PSMB7: variants seen among roughly 807,000 people sequenced by gnomAD.
PSMB7 encodes proteasome subunit beta type-7.
A neutral mutation model predicts 28.1 loss-of-function variants in PSMB7; 5 were observed. The ratio of observed to expected loss-of-function variants is 0.18; its 90% CI spans 0.09 to 0.37. The LOEUF is 0.37. Ranked by LOEUF, PSMB7 falls within the 10% of genes least tolerant of loss-of-function variation. PSMB7 has a pLI of 1.00. For missense variants in PSMB7, 275 were observed against 346.2 expected (o/e 0.79, Z 1.63); for synonymous variants, 122 against 123.7 (o/e 0.99, Z 0.09).
chr9:124,398,644 T>C (rs1420924526), intron 5 of PSMB7, among the ~76,000 whole-genome samples: 1 of 152,164 alleles, frequency 6.6e-6, no homozygotes, highest in Non-Finnish European at 1.5e-5. Context: ...CAGTCAAAAA[T>C]ACAAAATCCA....
chr9:124,406,741 A>G (rs1292665294), intron 4 of PSMB7, among the ~76,000 whole-genome samples: 3 of 152,202 alleles, frequency 2.0e-5, no homozygotes, highest in Non-Finnish European at 4.4e-5. Flanking sequence ...TCACAGGAAT[A>G]TATTTTCCAC....
intron 6 of PSMB7, among the ~76,000 whole-genome samples, chr9:124,373,546 T>A (rs777229620): frequency 2.8e-4 from 43 of 152,186 alleles, no homozygotes; most frequent in Non-Finnish European, 5.1e-4. Context: ...TGTACAATCA[T>A]CAACCCAATT....
intron 5 of PSMB7, among the ~76,000 whole-genome samples, chr9:124,388,253 T>C (rs1449191665): frequency 6.6e-6 from 1 of 152,198 alleles, no homozygotes; most frequent in Non-Finnish European, 1.5e-5. Context: ...AAAGAACAGA[T>C]ACACAGAAAA....
At chr9:124,362,726 C>T (rs1379737786) in intron 6 of PSMB7, among the ~76,000 whole-genome samples, 3 of 126,736 alleles carry the variant, frequency 2.4e-5, no homozygotes, top group Non-Finnish European at 5.3e-5. Flanking sequence ...AGTGTTCTCA[C>T]CACAAAAAAA....
intron 5 of PSMB7, among the ~76,000 whole-genome samples, chr9:124,389,197 C>A (rs568035405): frequency 1.3e-5 from 2 of 152,306 alleles, no homozygotes; most frequent in East Asian, 3.9e-4. Context: ...GCCTTAAAAA[C>A]CACAAAACCA....
rs574327686 is a variant in PSMB7, at chr9:124,381,195, G to A, written c.570+3403C>T. 1.8e-4 allele frequency among the ~76,000 whole-genome samples: 28 copies of A among 152,334 alleles called. 1 individual carries two copies. The South Asian group carries it at 3.1e-3, about 17-fold the overall frequency. On this transcript the variant is annotated intron_variant, in intron 6 of 7. Coordinates refer to ENST00000259457, the MANE Select transcript of PSMB7 (RefSeq NM_002799.4). ...ACGGGAACACAAGACAGGTTTTTAA[G>A]GAGGGAGGAACTTGTATTCCATAAA...
At chr9:124,390,219 C>A (rs1830770585) in intron 5 of PSMB7, among the ~76,000 whole-genome samples, 1 of 152,178 alleles carries the variant, frequency 6.6e-6, no homozygotes, top group Non-Finnish European at 1.5e-5. Flanking sequence ...AAGGTGTGAT[C>A]AAATGGGTAC....
At chr9:124,397,624 G>GA (rs1433197393) in intron 5 of PSMB7, among the ~76,000 whole-genome samples, 11 of 149,942 alleles carry the variant, frequency 7.3e-5, no homozygotes, top group Admixed American at 3.3e-4. Context: ...AAATCACTCA[G>GA]AAAAAAGAAA....
intron 6 of PSMB7, chr9:124,383,619 G>A (rs1408981164): frequency 1.3e-5 from 2 of 152,144 alleles, no homozygotes; most frequent in African/African-American, 4.8e-5. Context: ...TTTTTAATAA[G>A]CAATCTTTTC....
At chr9:124,365,661 A>T (rs1830500624) in intron 6 of PSMB7, among the ~76,000 whole-genome samples, 1 of 152,246 alleles carries the variant, frequency 6.6e-6, no homozygotes, top group African/African-American at 2.4e-5. Flanking sequence ...GGCTGGCTAT[A>T]GTGGCTCACA....
At chr9:124,397,739 G>A (rs1830856830) in intron 5 of PSMB7, among the ~76,000 whole-genome samples, 1 of 152,216 alleles carries the variant, frequency 6.6e-6, no homozygotes, top group Admixed American at 6.5e-5. Context: ...TCTCACTTAA[G>A]CTACAATTAC....
chr9:124,398,909 T>G (rs1362400505), intron 5 of PSMB7, among the ~76,000 whole-genome samples: 1 of 151,700 alleles, frequency 6.6e-6, no homozygotes, highest in Non-Finnish European at 1.5e-5. Flanking sequence ...TCCCTTACAC[T>G]GAATTTTAAC....
chr9:124,378,162 G>T (rs142163950), intron 6 of PSMB7, among the ~76,000 whole-genome samples: 23 of 152,358 alleles, frequency 1.5e-4, no homozygotes, highest in African/African-American at 5.3e-4. Context: ...TCTAGCAAAA[G>T]AATTTTTCAA....
intron 6 of PSMB7, among the ~76,000 whole-genome samples, chr9:124,369,723 T>C (rs1460811044): frequency 6.6e-6 from 1 of 152,176 alleles, no homozygotes; most frequent in East Asian, 1.9e-4. Flanking sequence ...GCCTCTGGAC[T>C]TAACATTCCT....
rs78698737 is a variant in PSMB7, at chr9:124,356,143, C to A, written c.722+621G>T. ...CCGGACAATCACGAGACACTGCAAACGAGCTGCTCCTCTGACACATGCTAG... is the reference window on the plus strand; with the variant it reads ...CCGGACAATCACGAGACACTGCAAAAGAGCTGCTCCTCTGACACATGCTAG... On this transcript the variant is annotated intron_variant, in intron 7 of 7. Coordinates refer to ENST00000259457, the MANE Select transcript of PSMB7 (RefSeq NM_002799.4). The surrounding 1 kb of genome is among the most constrained non-coding windows in gnomAD (Gnocchi z 4.4). Among the ~76,000 whole-genome samples, 1 of 152,192 alleles carries A rather than the reference C, an allele frequency of 6.6e-6. No homozygotes were observed. The highest frequency in any genetic ancestry group is 2.4e-5 in the African/African-American group (1 of 41,442).
chr9:124,390,509 A>G (rs1035188757), intron 5 of PSMB7, among the ~76,000 whole-genome samples: 3 of 152,230 alleles, frequency 2.0e-5, no homozygotes, highest in Non-Finnish European at 4.4e-5. Flanking sequence ...CAGACATTAA[A>G]CATGACAAAG....
intron 6 of PSMB7, among the ~76,000 whole-genome samples, chr9:124,380,166 G>A (rs1306589239): frequency 2.0e-5 from 3 of 152,354 alleles, no homozygotes; most frequent in Middle Eastern, 3.4e-3. Flanking sequence ...AAAGAACAGT[G>A]AGCAGACAAG....
chr9:124,401,755 T>G lies in PSMB7; in HGVS notation c.511+3562A>C, dbSNP rs143186960. On this transcript the variant is annotated intron_variant, in intron 5 of 7. Transcript: ENST00000259457. ...AGCTGATGAGGCCGGGTGCAGTGGC[T>G]CACACCTGTAATCCTAGCACTTTGG... Among the ~76,000 whole-genome samples the G allele has an allele frequency of 5.4e-3, 819 of 152,278 alleles. 8 individuals are homozygous for G. Among genetic ancestry groups the G allele is most frequent in the African/African-American group, 0.019 (774 of 41,554 alleles).
intron 5 of PSMB7, among the ~76,000 whole-genome samples, chr9:124,387,021 C>T (rs1830728879): frequency 1.3e-5 from 2 of 152,046 alleles, no homozygotes; most frequent in Admixed American, 6.6e-5. Flanking sequence ...CCGAGGTGGG[C>T]GGATCACAAG....
Sources: allele counts gnomAD v4.1 joint callset (sites outside exome capture counted in the v4.1 genomes callset), GRCh38; gene constraint gnomAD v4.1.1; non-coding constraint Gnocchi (gnomAD v3.1); transcripts MANE v1.5; gene names NCBI Gene and HGNC (gene_info 2026-07-23, HGNC 2026-07-21).